PARVB: variants seen among roughly 807,000 people sequenced by gnomAD.
PARVB encodes beta-parvin.
In PARVB, 46 loss-of-function variants were observed where a neutral mutation model predicts 47.0. The ratio of observed to expected loss-of-function variants is 0.98; its 90% confidence interval spans 0.77 to 1.25. The LOEUF (loss-of-function observed/expected upper bound fraction) is 1.25. Among genes scored for constraint, PARVB ranks in the 50% most tolerant of loss-of-function variants. The probability of loss-of-function intolerance (pLI) is 0.00; values close to 1 mark genes in which losing one functional copy is unlikely to be tolerated. For synonymous variants in PARVB, 196 were observed against 196.3 expected, an observed-to-expected ratio of 1.00 and a Z score of 0.01; for missense variants, 473 against 471.6, an observed-to-expected ratio of 1.00 and a Z score of -0.03.
At chr22:44,162,563 C>T (rs936096056) in intron 11 of PARVB, among the ~76,000 whole-genome samples, 2 of 152,340 alleles carry the variant, frequency 1.3e-5, no homozygotes, top group East Asian at 3.9e-4. Flanking sequence ...TCAACTGATC[C>T]ACCTGCCTCG....
chr22:44,146,311 T>G (rs1234676113), intron 8 of PARVB: 1 of 135,418 alleles, frequency 7.4e-6, no homozygotes, highest in African/African-American at 3.0e-5. Context: ...ACACACGTGC[T>G]CACACACGCA....
intron 1 of PARVB, among the ~76,000 whole-genome samples, chr22:44,071,489 AG>A (rs1247495511): frequency 6.6e-6 from 1 of 152,156 alleles, no homozygotes; most frequent in Non-Finnish European, 1.5e-5. Context: ...CTTTTAGAAA[AG>A]GGGTCCCCAG....
At position 44,100,755 on chromosome 22, in the gene PARVB, A is replaced by G. The variant is rs1438657989; in HGVS notation, c.273+632A>G. Among the ~76,000 whole-genome samples, 3 of 152,114 alleles carry G rather than the reference A, an allele frequency of 2.0e-5. No individual in the cohort carries two copies. The East Asian group carries it at 5.8e-4, about 29-fold the overall frequency. ...AGGCAGTGCTTGTGTGGGTCCAAGG[A>G]CAGATTGCAGTTTTGGTTGCTCTGA... On this transcript the variant is annotated intron_variant, in intron 3 of 12. Transcript: ENST00000338758.
intron 2 of PARVB, among the ~76,000 whole-genome samples, chr22:44,014,724 G>A (rs1328099314): frequency 2.0e-5 from 3 of 152,080 alleles, no homozygotes; most frequent in Admixed American, 1.3e-4. Flanking sequence ...AAGTTTTTCC[G>A]GTTTGATCAT....
intron 3 of PARVB, 51 bp downstream of exon 3, chr22:44,100,174 C>A: frequency 6.9e-7 from 1 of 1,453,724 alleles, no homozygotes; most frequent in Non-Finnish European, 9.7e-7. Context: ...GAGGACTTGG[C>A]TTTGGGGTTC....
At chr22:44,095,888 G>A (rs1232916420) in intron 2 of PARVB, among the ~76,000 whole-genome samples, 1 of 152,214 alleles carries the variant, frequency 6.6e-6, no homozygotes, top group African/African-American at 2.4e-5. Flanking sequence ...GCTGCCTGAG[G>A]TCGCACCAGG....
chr22:44,033,724 G>A (rs2401520), intron 1 of PARVB, among the ~76,000 whole-genome samples: 1 of 152,084 alleles, frequency 6.6e-6, no homozygotes, highest in Non-Finnish European at 1.5e-5. Context: ...ATTATTATAC[G>A]TGTTTTCATT....
At chr22:44,153,053 T>C (rs554650116) in intron 10 of PARVB, 40 of 152,318 alleles carry the variant, frequency 2.6e-4, no homozygotes, top group African/African-American at 8.7e-4. Context: ...ATGGACAGTG[T>C]GGGTCTGTAT....
At chr22:44,121,259 C>T (rs2053041273) in intron 4 of PARVB, among the ~76,000 whole-genome samples, 1 of 152,160 alleles carries the variant, frequency 6.6e-6, no homozygotes, top group Admixed American at 6.5e-5. Context: ...ATGTTGGCCT[C>T]CCAAAGTGTT....
chr22:44,056,810 C>T (rs1321847865), intron 1 of PARVB, among the ~76,000 whole-genome samples: 7 of 151,822 alleles, frequency 4.6e-5, no homozygotes, highest in Non-Finnish European at 8.8e-5. Context: ...GGCCTTTGTG[C>T]CCCAGTTTTC....
rs1354059126 is a variant in PARVB, at chr22:44,055,676, C to CTATATA, written c.112+31226_112+31227insATATAT. ...TATCCATCTCTCTCTCTCTCTCTCTCTCTATATATATATATATTTGAAGAG... is the reference window on the plus strand; with the variant it reads ...TATCCATCTCTCTCTCTCTCTCTCTCTATATATCTATATATATATATATTTGAAGAG... On this transcript the variant is annotated intron_variant, in intron 1 of 12. Transcript: ENST00000338758. Among the ~76,000 whole-genome samples the CTATATA allele has an allele frequency of 6.4e-3, 885 of 137,762 alleles. 3 individuals are homozygous for CTATATA. Among genetic ancestry groups the CTATATA allele is most frequent in the Middle Eastern group, 0.023 (6 of 256 alleles). 90.4% of individuals were successfully genotyped at this position (137,762 alleles called of 152,430 possible). A position where few individuals can be genotyped will look rare whatever the true frequency, so the allele number is the denominator to read the frequency against.
Position 44,071,292 on chromosome 22 carries a change from G to A in PARVB, c.113-22636G>A, listed in dbSNP as rs377488668. ...TGACCTGTGAACGTCTAAACTGCAG[G>A]ACTCACTTTGGGAGATACTGATGGA... On this transcript the variant is annotated intron_variant, in intron 1 of 12. Transcript: ENST00000338758. 1.3e-4 allele frequency among the ~76,000 whole-genome samples: 20 copies of A among 152,198 alleles called. No homozygotes were observed. The South Asian group carries it at 3.9e-3, about 30-fold the overall frequency.
At chr22:44,144,942 C>T (rs2053632549) in intron 8 of PARVB, 3 of 151,204 alleles carry the variant, frequency 2.0e-5, no homozygotes, top group Admixed American at 1.3e-4. Context: ...GTTGGCCCCC[C>T]GTCTGGCTTC....
intron 1 of PARVB, among the ~76,000 whole-genome samples, chr22:44,076,649 C>T (rs1018008270): frequency 6.6e-6 from 1 of 152,292 alleles, no homozygotes; most frequent in East Asian, 1.9e-4. Context: ...ATAGGCGTGC[C>T]TGGGTCCTGG....
intron 1 of PARVB, among the ~76,000 whole-genome samples, chr22:44,069,528 T>A (rs1178387031): frequency 6.6e-6 from 1 of 151,784 alleles, no homozygotes; most frequent in Non-Finnish European, 1.5e-5. Flanking sequence ...TCTCTCTCTG[T>A]CTTTTTTTTT....
rs1337364695 is a variant in PARVB, at chr22:44,093,998, C to T, written c.183C>T (p.His61=). The T allele has an allele frequency of 9.9e-6, 16 of 1,610,138 alleles. No individual in the cohort carries two copies. Among genetic ancestry groups the T allele is most frequent in the Non-Finnish European group, 1.4e-5 (16 of 1,176,648 alleles). Residue 61 remains histidine, a synonymous_variant, in exon 2 of 13, where the codon CAC becomes CAT. Coordinates refer to ENST00000338758, the MANE Select transcript of PARVB (RefSeq NM_013327.5). ...SPMSPALVDV[H]PEDTQLEENE... ...TGTCCCCCGCCCTGGTGGATGTTCACCCTGAAGACACCCAGCTTGGTACGG... is the reference window on the plus strand; with the variant it reads ...TGTCCCCCGCCCTGGTGGATGTTCATCCTGAAGACACCCAGCTTGGTACGG...
Position 44,103,272 on chromosome 22 carries a change from G to A in PARVB, c.273+3149G>A, listed in dbSNP as rs1046667306. On this transcript the variant is annotated intron_variant, in intron 3 of 12. Coordinates refer to ENST00000338758, the MANE Select transcript of PARVB (RefSeq NM_013327.5). The surrounding 1 kb of genome is among the most constrained non-coding windows in gnomAD (Gnocchi z 4.6). ...TGGGGCAAAATACAACTAAGAACAG[G>A]AAGGAGCTGAGGAATAAATGCCTCT... 5.3e-5 allele frequency: 8 copies of A among 152,246 alleles called. No individual in the cohort carries two copies. The highest frequency in any genetic ancestry group is 1.5e-5 in the Non-Finnish European group (1 of 68,078). The allele number at this position is 152,246 out of a possible 1,614,324, so 9.4% of individuals were successfully genotyped here. A position where few individuals can be genotyped will look rare whatever the true frequency, so the allele number is the denominator to read the frequency against.
At chr22:44,002,511 G>T (rs2050422917) in intron 2 of PARVB, among the ~76,000 whole-genome samples, 1 of 152,196 alleles carries the variant, frequency 6.6e-6, no homozygotes, top group Admixed American at 6.5e-5. Flanking sequence ...GGCAGGAGGG[G>T]GCAGTGGGTG....
At chr22:44,111,083 C>T (rs2052685836) in intron 3 of PARVB, 1 of 151,414 alleles carries the variant, frequency 6.6e-6, no homozygotes, top group African/African-American at 2.4e-5. Flanking sequence ...CATGTATGTC[C>T]CTTCAGGCTT....
Sources: gnomAD v4.1 joint callset for allele counts (sites outside exome capture counted in the v4.1 genomes callset) on GRCh38, gnomAD v4.1.1 for gene constraint, Gnocchi (gnomAD v3.1) non-coding constraint, MANE v1.5 for transcripts, NCBI Gene and HGNC (gene_info 2026-07-23, HGNC 2026-07-21) for gene names.